MYO16: variants seen among roughly 807,000 people sequenced by gnomAD.
MYO16 encodes myosin XVI, also known as unconventional myosin-XVI.
Under a neutral mutation model 205.3 loss-of-function variants are expected in MYO16, and 94 were observed. The ratio of observed to expected loss-of-function variants is 0.46; its 90% CI spans 0.39 to 0.54. MYO16 has a LOEUF of 0.54. Ranked by LOEUF, MYO16 falls within the 20% of genes least tolerant of loss-of-function variation. The pLI is 0.00. For synonymous variants in MYO16, 988 were observed against 954.0 expected, an observed-to-expected ratio of 1.04 and a Z score of -0.66; for missense variants, 2,315 against 2,387.5, an observed-to-expected ratio of 0.97 and a Z score of 0.63.
chr13:108,598,858 T>C (rs1878656565), intron 1 of MYO16, among the ~76,000 whole-genome samples: 1 of 152,068 alleles, frequency 6.6e-6, no homozygotes, highest in African/African-American at 2.4e-5. Context: ...TCTTTTTTTT[T>C]TATTATACTT....
chr13:108,995,963 A>T (rs1884988309), intron 21 of MYO16, among the ~76,000 whole-genome samples: 1 of 152,198 alleles, frequency 6.6e-6, no homozygotes. Flanking sequence ...GAGAAATAGG[A>T]ACACTTTTAC....
the MYO16 span, among the ~76,000 whole-genome samples, chr13:108,502,583 A>G: frequency 1.3e-5 from 2 of 152,276 alleles, no homozygotes; most frequent in African/African-American, 4.8e-5. Flanking sequence ...TTATTACTGA[A>G]ATTAGTTGAT....
chr13:108,690,846 A>T (rs1882867782), intron 2 of MYO16, among the ~76,000 whole-genome samples: 1 of 152,202 alleles, frequency 6.6e-6, no homozygotes, highest in Non-Finnish European at 1.5e-5. Context: ...GCCCCACAAG[A>T]CACATTCCAA....
At chr13:108,837,544 G>T (rs1469474589) in intron 9 of MYO16, among the ~76,000 whole-genome samples, 1 of 152,168 alleles carries the variant, frequency 6.6e-6, no homozygotes, top group African/African-American at 2.4e-5. Flanking sequence ...AAACTGTAGG[G>T]CTTGATACAT....
intron 16 of MYO16, among the ~76,000 whole-genome samples, chr13:108,920,781 T>C (rs1024463253): frequency 3.3e-5 from 5 of 152,216 alleles, no homozygotes; most frequent in African/African-American, 1.2e-4. Flanking sequence ...CTCTTTAACA[T>C]TGTTTATTCC....
At chr13:108,891,186 C>T (rs141654114) in intron 14 of MYO16, among the ~76,000 whole-genome samples, 16 of 152,246 alleles carry the variant, frequency 1.1e-4, no homozygotes, top group African/African-American at 3.9e-4. Context: ...TGTGGACAAC[C>T]CATTTGTATG....
chr13:109,165,166 G>A, intron 33 of MYO16, 107 bp downstream of exon 33: 2 of 800,942 alleles, frequency 2.5e-6, no homozygotes, highest in South Asian at 1.9e-5. Flanking sequence ...GTTAAGAACT[G>A]GAAAATAGAA....
chr13:109,105,893 A>G lies in MYO16; in HGVS notation c.3438+5006A>G, dbSNP rs1889109982. ...TAACATACTCAAAATTGCTACTTTT[A>G]CATAATGTGGTTTGATTTTGAAGAA... On this transcript the variant is annotated intron_variant, in intron 28 of 34. Coordinates refer to ENST00000457511, the MANE Select transcript of MYO16 (RefSeq NM_001198950.3). 2.6e-5 allele frequency among the ~76,000 whole-genome samples: 4 copies of G among 152,230 alleles called. No individual in the cohort carries two copies. In the South Asian group the frequency reaches 8.3e-4, roughly 32 times the overall value.
Position 108,883,100 on chromosome 13 carries a change from C to T in MYO16, c.1467C>T (p.Ser489=). 1 of 1,614,090 alleles carries T rather than the reference C, an allele frequency of 6.2e-7. No homozygotes were observed. The highest frequency in any genetic ancestry group is 8.5e-7 in the Non-Finnish European group (1 of 1,179,990). Residue 489 remains serine (S), a synonymous_variant, in exon 13 of 35, where the codon TCC becomes TCT. Coordinates refer to ENST00000457511, the MANE Select transcript of MYO16 (RefSeq NM_001198950.3). ...LYFSSSGKLC[S]SLPPHLFSCV... is the part of the protein sequence containing the mutation. Reference sequence around the variant, plus strand: ...TCAGCTCCTCAGGGAAGCTGTGTTCCTCGCTGCCTCCTCACCTCTTCTCCT... The same window carrying T: ...TCAGCTCCTCAGGGAAGCTGTGTTCTTCGCTGCCTCCTCACCTCTTCTCCT...
the MYO16 span, among the ~76,000 whole-genome samples, chr13:108,558,317 C>T: frequency 6.6e-6 from 1 of 152,176 alleles, no homozygotes; most frequent in Admixed American, 6.5e-5. Context: ...TGGGAAATGT[C>T]TCCTTGTCCT....
At chr13:109,035,142 G>T (rs939911406) in intron 23 of MYO16, among the ~76,000 whole-genome samples, 2 of 146,352 alleles carry the variant, frequency 1.4e-5, no homozygotes, top group Non-Finnish European at 3.0e-5. Context: ...GGCATATATA[G>T]CGTACCACAA....
chr13:108,696,802 A>C (rs2139508824), intron 2 of MYO16, among the ~76,000 whole-genome samples: 1 of 152,310 alleles, frequency 6.6e-6, no homozygotes, highest in Middle Eastern at 3.4e-3. Context: ...AGTTGCAGGA[A>C]GTCAGAAGAC....
intron 24 of MYO16, among the ~76,000 whole-genome samples, chr13:109,049,925 CCTGTGTGTGTGTGTGTGTGT>C (rs1887187789): frequency 8.8e-6 from 1 of 113,334 alleles, no homozygotes; most frequent in South Asian, 2.9e-4. Flanking sequence ...CTTCCTTTGT[CCTGTGTGTGTGTGTGTGTGT>C]GTGTGTGTGT....
intron 5 of MYO16, among the ~76,000 whole-genome samples, chr13:108,790,006 G>A (rs1360484741): frequency 6.6e-6 from 1 of 152,076 alleles, no homozygotes; most frequent in East Asian, 1.9e-4. Context: ...TGAAGGTGAG[G>A]GGCTGGGTTA....
At chr13:108,832,144 A>ATTTTTT (rs10635580) in intron 9 of MYO16, among the ~76,000 whole-genome samples, 34 of 134,570 alleles carry the variant, frequency 2.5e-4, no homozygotes, top group Non-Finnish European at 2.6e-4. Context: ...TTCCGTATGG[A>ATTTTTT]TTTTTTTTTT....
chr13:108,570,505 C>T, the MYO16 span, among the ~76,000 whole-genome samples: 1 of 152,190 alleles, frequency 6.6e-6, no homozygotes, highest in Non-Finnish European at 1.5e-5. Context: ...CCACCTTTGC[C>T]TCTCAAAGTG....
chr13:108,910,937 A>G (rs1333038673), intron 16 of MYO16, among the ~76,000 whole-genome samples: 5 of 151,956 alleles, frequency 3.3e-5, no homozygotes, highest in African/African-American at 9.7e-5. Flanking sequence ...TACCTGATTT[A>G]TGGCTTATTG....
chr13:108,821,635 A>T (rs1875975765), intron 8 of MYO16, among the ~76,000 whole-genome samples: 1 of 152,170 alleles, frequency 6.6e-6, no homozygotes, highest in African/African-American at 2.4e-5. Context: ...GGAGGATATG[A>T]CTGACCTTTG....
chr13:108,524,057 T>C, the MYO16 span, among the ~76,000 whole-genome samples: 10 of 152,120 alleles, frequency 6.6e-5, no homozygotes, highest in African/African-American at 2.4e-4. Context: ...CCTAGCACTT[T>C]GGGAGGCCGA....
Sources: gnomAD v4.1 joint callset for allele counts (sites outside exome capture counted in the v4.1 genomes callset) on GRCh38, gnomAD v4.1.1 for gene constraint, MANE v1.5 for transcripts, NCBI Gene and HGNC (gene_info 2026-07-23, HGNC 2026-07-21) for gene names.